The following ENPP3 variants were observed in gnomAD, a reference collection of about 807,000 sequenced individuals.
ENPP3 encodes the protein ectonucleotide pyrophosphatase/phosphodiesterase family member 3.
Under a neutral mutation model 117.8 loss-of-function variants are expected in ENPP3, and 104 were observed. That is an observed-to-expected ratio of 0.88 (90% CI 0.75 to 1.04). The LOEUF is 1.04. ENPP3 is among the 50% of genes least tolerant of loss of function. The pLI, the probability that ENPP3 is intolerant of heterozygous loss-of-function variation, is 0.00. For synonymous variants in ENPP3, 380 were observed against 349.9 expected (o/e 1.09, Z -0.96); for missense variants, 1,026 against 1,051.9 (o/e 0.98, Z 0.34).
At chr6:131,736,403 T>A (rs1417686826) in intron 21 of ENPP3, among the ~76,000 whole-genome samples, 2 of 152,182 alleles carry the variant, frequency 1.3e-5, no homozygotes, top group Non-Finnish European at 1.5e-5. Flanking sequence ...CAAAGAGATA[T>A]CTTACATGGC....
chr6:131,646,972 C>CTTTTT (rs747724228), intron 2 of ENPP3, among the ~76,000 whole-genome samples: 1 of 127,650 alleles, frequency 7.8e-6, no homozygotes, highest in Non-Finnish European at 1.7e-5. Flanking sequence ...CAACCAGCTA[C>CTTTTT]TTTTTTTTTT....
At position 131,637,478 on chromosome 6, in the gene ENPP3, ATT is replaced by A. The variant is rs766404800; in HGVS notation, c.78+20_78+21del. ...AGCTTGCATTGTAAGTACAATTCTTATTTTTAGTCTTTCTAGTTTTGTGACAA... is the reference window on the plus strand; with the variant it reads ...AGCTTGCATTGTAAGTACAATTCTTATTTAGTCTTTCTAGTTTTGTGACAA... On this transcript the variant is annotated intron_variant, in intron 1 of 24. Transcript: ENST00000357639. The A allele has an allele frequency of 1.5e-6, 2 of 1,376,226 alleles. No homozygotes were observed. Among genetic ancestry groups the A allele is most frequent in the South Asian group, 2.6e-5 (2 of 78,000 alleles). 85.3% of individuals were successfully genotyped at this position (1,376,226 alleles called of 1,614,324 possible). A position where few individuals can be genotyped will look rare whatever the true frequency, so the allele number is the denominator to read the frequency against.
intron 15 of ENPP3, among the ~76,000 whole-genome samples, chr6:131,696,643 C>T (rs866755990): frequency 2.0e-5 from 3 of 151,944 alleles, no homozygotes; most frequent in African/African-American, 7.3e-5. Context: ...GAAGGGGATT[C>T]GTTTTTTGTG....
At position 131,722,405 on chromosome 6, in the gene ENPP3, TGTAAGTA is replaced by T. The variant is rs774255145; in HGVS notation, c.1746+1_1746+7del. 6.2e-7 allele frequency: 1 copy of T among 1,612,186 alleles called. No individual in the cohort carries two copies. The highest frequency in any genetic ancestry group is 8.5e-7 in the Non-Finnish European group (1 of 1,179,258). On this transcript the variant is annotated splice_donor_variant and splice_donor_5th_base_variant and intron_variant, in intron 18 of 24. Coordinates refer to ENST00000357639, the MANE Select transcript of ENPP3 (RefSeq NM_005021.5). LOFTEE classifies it high-confidence loss of function. ...ACTGTTTCTGCCCTCACCTACAAAATGTAAGTAACAACTTCATGCATCCATAAGAACG... is the reference window on the plus strand; with the variant it reads ...ACTGTTTCTGCCCTCACCTACAAAATACAACTTCATGCATCCATAAGAACG...
At chr6:131,739,447 G>C (rs1780476253) in intron 23 of ENPP3, among the ~76,000 whole-genome samples, 3 of 152,280 alleles carry the variant, frequency 2.0e-5, no homozygotes, top group South Asian at 4.1e-4. Context: ...GAGGGTGAAT[G>C]AAAGTCCAAA....
At chr6:131,707,029 A>T (rs1456543097) in intron 15 of ENPP3, among the ~76,000 whole-genome samples, 1 of 150,654 alleles carries the variant, frequency 6.6e-6, no homozygotes, top group Non-Finnish European at 1.5e-5. Context: ...CTTTTTAAAA[A>T]CATGTTAGAA....
At chr6:131,667,539 A>G (rs972863186) in intron 6 of ENPP3, among the ~76,000 whole-genome samples, 7 of 152,140 alleles carry the variant, frequency 4.6e-5, no homozygotes, top group Non-Finnish European at 5.9e-5. Context: ...TTAGAAGCCA[A>G]TTTCTCAGAT....
intron 6 of ENPP3, among the ~76,000 whole-genome samples, chr6:131,662,359 C>A (rs1458536385): frequency 6.6e-6 from 1 of 152,162 alleles, no homozygotes; most frequent in Non-Finnish European, 1.5e-5. Flanking sequence ...ATCCCCTCAG[C>A]CTCCTAAGTA....
intron 15 of ENPP3, among the ~76,000 whole-genome samples, chr6:131,718,205 AT>A (rs879384157): frequency 2.6e-5 from 4 of 152,218 alleles, no homozygotes; most frequent in African/African-American, 9.6e-5. Context: ...AGAAATTGAT[AT>A]TTTTCCCCAG....
intron 15 of ENPP3, chr6:131,701,157 A>G (rs1205146658): frequency 1.3e-6 from 1 of 751,168 alleles, no homozygotes; most frequent in Non-Finnish European, 2.1e-6. Flanking sequence ...CAGGAGGTTC[A>G]CCAGCATCCG....
Position 131,685,767 on chromosome 6 carries a change from T to A in ENPP3, c.1253-109T>A. 5 of 671,466 alleles carry A rather than the reference T, an allele frequency of 7.4e-6. No homozygotes were observed. In the East Asian group the frequency reaches 1.4e-4, roughly 19 times the overall value. The allele number at this position is 671,466 out of a possible 1,614,324, so 41.6% of individuals were successfully genotyped here. ...TAATTTTTAATATAATTTTACCAGATCACAGTTATTAATAAGTGAATGTAT... is the reference window on the plus strand; with the variant it reads ...TAATTTTTAATATAATTTTACCAGAACACAGTTATTAATAAGTGAATGTAT... On this transcript the variant is annotated intron_variant, in intron 13 of 24. Coordinates refer to ENST00000357639, the MANE Select transcript of ENPP3 (RefSeq NM_005021.5).
At chr6:131,673,230 G>T (rs1241055682) in intron 7 of ENPP3, among the ~76,000 whole-genome samples, 1 of 152,128 alleles carries the variant, frequency 6.6e-6, no homozygotes, top group Non-Finnish European at 1.5e-5. Flanking sequence ...CCCTCCATAT[G>T]TGTGGGTTCT....
At chr6:131,673,202 A>G (rs1274701371) in intron 7 of ENPP3, among the ~76,000 whole-genome samples, 1 of 152,150 alleles carries the variant, frequency 6.6e-6, no homozygotes, top group Admixed American at 6.5e-5. Context: ...GAAAAAATAT[A>G]TATATATACA....
At chr6:131,718,177 A>G (rs1322380955) in intron 15 of ENPP3, among the ~76,000 whole-genome samples, 1 of 152,206 alleles carries the variant, frequency 6.6e-6, no homozygotes, top group Non-Finnish European at 1.5e-5. Context: ...ATTTTCCTAG[A>G]CATCTTCACT....
chr6:131,671,201 A>G (rs1465929333), intron 6 of ENPP3, 47 bp from the exon 7 acceptor site: 1 of 1,070,370 alleles, frequency 9.3e-7, no homozygotes, highest in Admixed American at 1.8e-5. Context: ...TATCCAAAAA[A>G]CTGAAGAAGA....
chr6:131,646,546 C>A (rs1778156681), intron 2 of ENPP3, among the ~76,000 whole-genome samples: 1 of 152,032 alleles, frequency 6.6e-6, no homozygotes, highest in South Asian at 2.1e-4. Context: ...TTATGAGCCT[C>A]CTAGTCTGGA....
chr6:131,717,539 G>T (rs1183599081), intron 15 of ENPP3, among the ~76,000 whole-genome samples: 2 of 151,946 alleles, frequency 1.3e-5, no homozygotes, highest in Non-Finnish European at 2.9e-5. Flanking sequence ...TGCTTTAAAA[G>T]ATCTAGGTTC....
rs199583085 is a variant in ENPP3, at chr6:131,723,833, A to T, written c.1747-207A>T. 9.1e-3 allele frequency among the ~76,000 whole-genome samples: 1,281 copies of T among 140,236 alleles called. 16 individuals are homozygous for T. Among genetic ancestry groups the T allele is most frequent in the African/African-American group, 0.032 (1,217 of 37,802 alleles). The allele number at this position is 140,236 out of a possible 152,430, so 92.0% of individuals were successfully genotyped here. A position where few individuals can be genotyped will look rare whatever the true frequency, so the allele number is the denominator to read the frequency against. On this transcript the variant is annotated intron_variant, in intron 18 of 24. Transcript: ENST00000357639. ...CTCTCTCTCTCTCTCTCTCTCACAC[A>T]CACACACACACACACACACACAATA...
chr6:131,726,186 A>G lies in ENPP3; in HGVS notation c.1939A>G (p.Thr647Ala). 6.2e-7 allele frequency: 1 copy of G among 1,613,838 alleles called. No homozygotes were observed. Among genetic ancestry groups the G allele is most frequent in the South Asian group, 1.1e-5 (1 of 91,044 alleles). The change falls in exon 20 of 25, where the codon ACA becomes GCA. Residue 647 changes from threonine to alanine, a missense_variant. Coordinates refer to ENST00000357639, the MANE Select transcript of ENPP3 (RefSeq NM_005021.5). ...GAGGATGCCCATGTGGAGTTCATAC[A>G]CAGTCCCCCAGTTGGTAAGTTCCTG... is the stretch of plus-strand genomic sequence containing the variant. ...AMRMPMWSSY[T>A]VPQLGDTSPL... is the part of the protein sequence containing the mutation.
Sources: allele counts gnomAD v4.1 joint callset (sites outside exome capture counted in the v4.1 genomes callset), GRCh38; gene constraint gnomAD v4.1.1; transcripts MANE v1.5; gene names NCBI Gene and HGNC (gene_info 2026-07-23, HGNC 2026-07-21).